The following DDX60 variants were observed in gnomAD, a reference collection of about 807,000 sequenced individuals.
DDX60 encodes the protein DExD/H-box helicase 60.
Under a neutral mutation model 212.8 loss-of-function variants are expected in DDX60, and 165 were observed. The ratio of observed to expected loss-of-function variants is 0.78; its 90% confidence interval spans 0.68 to 0.88. The LOEUF is 0.88. Ranked by LOEUF, DDX60 falls within the 40% of genes least tolerant of loss-of-function variation. DDX60 has a pLI of 0.00. For missense variants in DDX60, 1,905 were observed against 2,003.9 expected (o/e 0.95, Z 0.94); for synonymous variants, 703 against 685.3 (o/e 1.03, Z -0.40).
chr4:168,310,988 T>A lies in DDX60; in HGVS notation c.74+10A>T. ...TGATTTCCCGTCTTTATTACTATAA[T>A]AATACTCACTCAGCTTTTGGCATTT... On this transcript the variant is annotated intron_variant, in intron 3 of 37. Transcript: ENST00000393743. 2 of 1,487,114 alleles carry A rather than the reference T, an allele frequency of 1.3e-6. No homozygotes were observed. Among genetic ancestry groups the A allele is most frequent in the South Asian group, 2.3e-5 (2 of 86,594 alleles). 92.1% of individuals were successfully genotyped at this position (1,487,114 alleles called of 1,614,324 possible).
At chr4:168,283,402 GA>G (rs764672482) in intron 13 of DDX60, 43 bp downstream of exon 13, 2 of 1,586,430 alleles carry the variant, frequency 1.3e-6, no homozygotes, top group South Asian at 2.3e-5. Flanking sequence ...CCTGATAAAA[GA>G]AAAGGAAAAT....
chr4:168,227,969 T>A (rs952288043), intron 33 of DDX60, among the ~76,000 whole-genome samples: 5 of 152,130 alleles, frequency 3.3e-5, no homozygotes, highest in Non-Finnish European at 7.4e-5. Flanking sequence ...ATAAATAGCA[T>A]ATATAGTCTG....
chr4:168,303,387 A>G (rs1019999146), intron 5 of DDX60, among the ~76,000 whole-genome samples: 2 of 152,144 alleles, frequency 1.3e-5, no homozygotes, highest in South Asian at 2.1e-4. Flanking sequence ...GCTCTAACAG[A>G]GTAAAATGAG....
At chr4:168,297,380 AAG>A (rs139457624) in intron 6 of DDX60, among the ~76,000 whole-genome samples, 544 of 43,004 alleles carry the variant, frequency 0.013, 40 homozygotes, top group African/African-American at 0.05. Flanking sequence ...GAAAGAAAGA[AAG>A]AGAAAGAAAG....
intron 26 of DDX60, 124 bp from the exon 27 acceptor site, chr4:168,252,780 G>A (rs1033237740): frequency 3.4e-6 from 2 of 590,390 alleles, no homozygotes; most frequent in Non-Finnish European, 5.7e-6. Flanking sequence ...AGACTTCCAC[G>A]GCTGTGCATC....
chr4:168,276,231 T>A, intron 14 of DDX60, 50 bp from the exon 15 acceptor site: 1 of 1,435,456 alleles, frequency 7.0e-7, no homozygotes, highest in Non-Finnish European at 9.5e-7. Context: ...TCAAAAATAA[T>A]TCATTTGATT....
chr4:168,260,519 T>C (rs1002870139), intron 25 of DDX60, among the ~76,000 whole-genome samples: 2 of 152,082 alleles, frequency 1.3e-5, no homozygotes, highest in Non-Finnish European at 2.9e-5. Context: ...GAAGACAACT[T>C]GGCAGTGGGT....
intron 24 of DDX60, 56 bp from the exon 25 acceptor site, chr4:168,261,045 C>T: frequency 6.5e-7 from 1 of 1,534,466 alleles, no homozygotes; most frequent in African/African-American, 1.4e-5. Context: ...AAAGAAATTA[C>T]TACTTTTTGC....
At chr4:168,247,369 C>T (rs1480675731) in intron 29 of DDX60, among the ~76,000 whole-genome samples, 1 of 152,052 alleles carries the variant, frequency 6.6e-6, no homozygotes, top group Non-Finnish European at 1.5e-5. Context: ...CAGAGTATGG[C>T]AGCAGCAATA....
Position 168,274,092 on chromosome 4 carries a change from T to A in DDX60, c.2305-9A>T, listed in dbSNP as rs779357393. The A allele has an allele frequency of 3.7e-6, 6 of 1,613,852 alleles. No homozygotes were observed. Among genetic ancestry groups the A allele is most frequent in the Admixed American group, 3.3e-5 (2 of 59,976 alleles). On this transcript the variant is annotated splice_polypyrimidine_tract_variant and intron_variant, in intron 16 of 37. Coordinates refer to ENST00000393743, the MANE Select transcript of DDX60 (RefSeq NM_017631.6). ...ACATCAAGGAGCTCTCGCTGCAGGG[T>A]GCAGAGTACCATTCATGTCAAGAAA...
chr4:168,279,538 G>C (rs150192682), intron 14 of DDX60, among the ~76,000 whole-genome samples: 32 of 152,296 alleles, frequency 2.1e-4, no homozygotes, highest in African/African-American at 7.2e-4. Flanking sequence ...ACTCACCAAA[G>C]ATGCAATGGA....
At position 168,267,519 on chromosome 4, in the gene DDX60, T is replaced by C. The variant is rs1734899119; in HGVS notation, c.3039+63A>G. On this transcript the variant is annotated intron_variant, in intron 22 of 37. Transcript: ENST00000393743. ...TGATACATATCAATTAGGCAGCATT[T>C]ATTTATAATATATACAAATATTTTA... The C allele has an allele frequency of 1.3e-5, 9 of 719,308 alleles. No individual in the cohort carries two copies. The East Asian group carries it at 2.9e-4, about 23-fold the overall frequency. The allele number at this position is 719,308 out of a possible 1,614,324, so 44.6% of individuals were successfully genotyped here.
intron 23 of DDX60, among the ~76,000 whole-genome samples, chr4:168,262,330 TAGA>T (rs1456173321): frequency 6.6e-6 from 1 of 151,704 alleles, no homozygotes; most frequent in Non-Finnish European, 1.5e-5. Flanking sequence ...CAAAACAAAG[TAGA>T]AGATGAAAAC....
chr4:168,295,628 AT>A lies in DDX60; in HGVS notation c.724-1684del, dbSNP rs1018843597. ...AGGCTGCCTGATATGTGAATCGTTCATTGCTCAATTAAACTCCTTTAAATTT... is the reference window on the plus strand; with the variant it reads ...AGGCTGCCTGATATGTGAATCGTTCATGCTCAATTAAACTCCTTTAAATTT... On this transcript the variant is annotated intron_variant, in intron 6 of 37. Transcript: ENST00000393743. 1.5e-3 allele frequency among the ~76,000 whole-genome samples: 222 copies of A among 152,322 alleles called. 2 individuals are homozygous for A. Among genetic ancestry groups the A allele is most frequent in the African/African-American group, 4.0e-3 (166 of 41,566 alleles).
chr4:168,225,381 A>T (rs1054629465), intron 34 of DDX60, 148 bp downstream of exon 34: 4 of 827,114 alleles, frequency 4.8e-6, no homozygotes, highest in South Asian at 4.3e-5. Context: ...AATAAGCAAA[A>T]TTTTTTTCTT....
intron 25 of DDX60, among the ~76,000 whole-genome samples, chr4:168,260,104 T>TGA (rs10684406): frequency 0.022 from 3,360 of 152,258 alleles, 205 homozygotes; most frequent in East Asian, 0.14. Flanking sequence ...TTTTTCTATG[T>TGA]CGTCTTTAAT....
intron 19 of DDX60, among the ~76,000 whole-genome samples, chr4:168,270,871 C>CTT (rs1735063079): frequency 8.2e-6 from 1 of 122,412 alleles, no homozygotes; most frequent in Admixed American, 8.0e-5. Flanking sequence ...TTTTTTCTTT[C>CTT]TTTCTTTTTT....
intron 25 of DDX60, among the ~76,000 whole-genome samples, chr4:168,256,835 T>A (rs549787703): frequency 1.3e-4 from 20 of 152,368 alleles, no homozygotes; most frequent in African/African-American, 4.8e-4. Flanking sequence ...TAAAGCTTTT[T>A]AAATCTATGT....
At chr4:168,267,261 G>T (rs2149515562) in intron 22 of DDX60, among the ~76,000 whole-genome samples, 1 of 152,284 alleles carries the variant, frequency 6.6e-6, no homozygotes, top group Middle Eastern at 3.4e-3. Context: ...ATTAGTGTCA[G>T]AGGGGTAGAC....
Sources: gnomAD v4.1 joint callset for allele counts (sites outside exome capture counted in the v4.1 genomes callset) on GRCh38, gnomAD v4.1.1 for gene constraint, MANE v1.5 for transcripts, NCBI Gene and HGNC (gene_info 2026-07-23, HGNC 2026-07-21) for gene names.